STMND1: variants seen among roughly 807,000 people sequenced by gnomAD.
STMND1 encodes the protein stathmin domain containing 1, also known as stathmin domain-containing protein 1.
Under a neutral mutation model 23.0 loss-of-function variants are expected in STMND1, and 17 were observed. That is an observed-to-expected ratio of 0.74 (90% confidence interval 0.51 to 1.11). The LOEUF is 1.11. Ranked by LOEUF, STMND1 falls within the 50% of genes least tolerant of loss-of-function variation. The probability of loss-of-function intolerance (pLI) is 0.00; values close to 1 mark genes in which losing one functional copy is unlikely to be tolerated. For synonymous variants in STMND1, 114 were observed against 119.9 expected, an observed-to-expected ratio of 0.95 and a Z score of 0.32; for missense variants, 305 against 329.1, an observed-to-expected ratio of 0.93 and a Z score of 0.57.
At chr6:17,112,543 C>T (rs142797462) in intron 1 of STMND1, among the ~76,000 whole-genome samples, 14 of 152,040 alleles carry the variant, frequency 9.2e-5, no homozygotes, top group African/African-American at 2.9e-4. Flanking sequence ...TTTGAGAGGC[C>T]GAGGCGGGTG....
intron 2 of STMND1, among the ~76,000 whole-genome samples, chr6:17,118,315 A>T (rs868577805): frequency 6.6e-5 from 10 of 152,294 alleles, no homozygotes; most frequent in Admixed American, 2.6e-4. Flanking sequence ...GTTCAGTATG[A>T]TGTCAAACTT....
At chr6:17,113,438 C>T (rs1761119649) in intron 1 of STMND1, among the ~76,000 whole-genome samples, 1 of 152,180 alleles carries the variant, frequency 6.6e-6, no homozygotes, top group Non-Finnish European at 1.5e-5. Context: ...CCCAGATTAT[C>T]AAGGGTAATC....
chr6:17,105,952 A>C (rs1181892927), intron 1 of STMND1, among the ~76,000 whole-genome samples: 1 of 151,896 alleles, frequency 6.6e-6, no homozygotes, highest in Non-Finnish European at 1.5e-5. Context: ...AAAATCCTAA[A>C]TCCTTACTTA....
chr6:17,115,219 G>T, intron 2 of STMND1, 80 bp downstream of exon 2: 2 of 1,353,120 alleles, frequency 1.5e-6, no homozygotes, highest in Non-Finnish European at 2.0e-6. Context: ...TTTCTTTGGT[G>T]GTCCTTTTAT....
chr6:17,119,257 T>C (rs1025959785), intron 2 of STMND1, among the ~76,000 whole-genome samples: 3 of 152,224 alleles, frequency 2.0e-5, no homozygotes, highest in Non-Finnish European at 4.4e-5. Context: ...TTGGAGTTAC[T>C]TGCAGTGGCC....
chr6:17,128,079 A>C (rs1761333347), intron 3 of STMND1: 1 of 152,212 alleles, frequency 6.6e-6, no homozygotes, highest in African/African-American at 2.4e-5. Context: ...GAGATGATTT[A>C]TGTATCAGTT....
rs1424396251 is a variant in STMND1, at chr6:17,102,222, A to C, written c.-36A>C. 3 of 1,512,758 alleles carry C rather than the reference A, an allele frequency of 2.0e-6. No individual in the cohort carries two copies. Among genetic ancestry groups the C allele is most frequent in the African/African-American group, 2.8e-5 (2 of 70,396 alleles). The allele number at this position is 1,512,758 out of a possible 1,614,324, so 93.7% of individuals were successfully genotyped here. A position where few individuals can be genotyped will look rare whatever the true frequency, so the allele number is the denominator to read the frequency against. On this transcript the variant is annotated 5_prime_UTR_variant, in exon 1 of 5. Coordinates refer to ENST00000536551, the MANE Select transcript of STMND1 (RefSeq NM_001190766.2). ...GGGAGCGCTCGCGGGGGCGCACAGC[A>C]GCCAAGCCCGCGGAGGAGGAGCGCG...
rs1477798644 is a variant in STMND1, at chr6:17,102,171, G to T, written c.-87G>T. 1.5e-6 allele frequency: 2 copies of T among 1,334,324 alleles called. No individual in the cohort carries two copies. Among genetic ancestry groups the T allele is most frequent in the Non-Finnish European group, 1.9e-6 (2 of 1,029,166 alleles). The allele number at this position is 1,334,324 out of a possible 1,614,324, so 82.7% of individuals were successfully genotyped here. A position where few individuals can be genotyped will look rare whatever the true frequency, so the allele number is the denominator to read the frequency against. Reference sequence around the variant, plus strand: ...CGTAGGGCGCAGGGCGCAGGAGCGCGGGACCACCGGCGCCGGAGCGCGGCA... The same window carrying T: ...CGTAGGGCGCAGGGCGCAGGAGCGCTGGACCACCGGCGCCGGAGCGCGGCA... On this transcript the variant is annotated 5_prime_UTR_variant, in exon 1 of 5. Transcript: ENST00000536551.
At chr6:17,102,581 A>G (rs184259856) in intron 1 of STMND1, among the ~76,000 whole-genome samples, 41 of 152,366 alleles carry the variant, frequency 2.7e-4, no homozygotes, top group Non-Finnish European at 5.0e-4. Context: ...ATACAGATAT[A>G]TGGCTATAAG....
chr6:17,109,852 T>C (rs1761074606), intron 1 of STMND1, among the ~76,000 whole-genome samples: 1 of 152,216 alleles, frequency 6.6e-6, no homozygotes, highest in Non-Finnish European at 1.5e-5. Flanking sequence ...AAGTGATTTT[T>C]CTAGAAAACC....
intron 1 of STMND1, among the ~76,000 whole-genome samples, chr6:17,112,716 G>A (rs1412611650): frequency 6.6e-6 from 1 of 152,132 alleles, no homozygotes; most frequent in African/African-American, 2.4e-5. Flanking sequence ...GGCAGAGCTT[G>A]CAGTGAGCCG....
intron 1 of STMND1, among the ~76,000 whole-genome samples, chr6:17,113,775 C>G (rs1458458687): frequency 1.3e-5 from 2 of 151,896 alleles, no homozygotes; most frequent in Middle Eastern, 6.8e-3. Flanking sequence ...GCCTGTATTA[C>G]TTTTTTAATC....
intron 1 of STMND1, 114 bp downstream of exon 1, chr6:17,102,452 G>T (rs1760955633): frequency 7.7e-7 from 1 of 1,291,874 alleles, no homozygotes. Context: ...AGGGTCGGTC[G>T]AGGCTAGTTA....
Position 17,102,374 on chromosome 6 carries a change from A to G in STMND1, c.81+36A>G, listed in dbSNP as rs781050740. On this transcript the variant is annotated intron_variant, in intron 1 of 4. Transcript: ENST00000536551. ...AACAAACAAACAAACAAACAAACAG[A>G]CAGAAAGCCTTTTGCCTGGGAGGTC... 12 of 1,531,226 alleles carry G rather than the reference A, an allele frequency of 7.8e-6. No homozygotes were observed. The South Asian group carries it at 1.1e-4, about 14-fold the overall frequency. The allele number at this position is 1,531,226 out of a possible 1,614,324, so 94.9% of individuals were successfully genotyped here. A position where few individuals can be genotyped will look rare whatever the true frequency, so the allele number is the denominator to read the frequency against.
chr6:17,107,068 G>T (rs958191835), intron 1 of STMND1, among the ~76,000 whole-genome samples: 2 of 152,126 alleles, frequency 1.3e-5, no homozygotes, highest in African/African-American at 4.8e-5. Context: ...CAGTAAAGGG[G>T]AGTAAATTAC....
chr6:17,114,304 G>C (rs1245095852), intron 1 of STMND1, among the ~76,000 whole-genome samples: 2 of 150,920 alleles, frequency 1.3e-5, no homozygotes, highest in South Asian at 4.2e-4. Flanking sequence ...CACCCTTGTG[G>C]CACAAGCTGA....
At position 17,115,004 on chromosome 6, in the gene STMND1, C is replaced by G; in HGVS notation, c.124C>G (p.Arg42Gly). 6.5e-7 allele frequency: 1 copy of G among 1,532,316 alleles called. No homozygotes were observed. 94.9% of individuals were successfully genotyped at this position (1,532,316 alleles called of 1,614,324 possible). Reference sequence around the variant, plus strand: ...TCATACTGGGGAAAATTGCAGCCCCCGGATGGAAGCTGCTCTGACCAAGAA... The same window carrying G: ...TCATACTGGGGAAAATTGCAGCCCCGGGATGGAAGCTGCTCTGACCAAGAA... The part of the protein sequence containing the change: ...VPHTGENCSP[R>G]MEAALTKNTV... Residue 42 changes from arginine (R) to glycine (G), a missense_variant, in exon 2 of 5, where the codon CGG becomes GGG. Physicochemically the swap from Arg to Gly is moderately radical, Grantham distance 125. Coordinates refer to ENST00000536551, the MANE Select transcript of STMND1 (RefSeq NM_001190766.2).
Position 17,130,829 on chromosome 6 carries a change from G to A in STMND1, c.779G>A (p.Gly260Glu), listed in dbSNP as rs1325186982. 6.5e-7 allele frequency: 1 copy of A among 1,535,776 alleles called. No homozygotes were observed. The highest frequency in any genetic ancestry group is 8.7e-7 in the Non-Finnish European group (1 of 1,146,812). The change falls in exon 5 of 5, where the codon GGG becomes GAG. Residue 260 changes from glycine (G) to glutamate (E), a missense_variant. Physicochemically the swap from Gly to Glu is moderately conservative, Grantham distance 98. Transcript: ENST00000536551. ...AGAAACGAAAGTGATGAAAGTTTTG[G>A]GGTCGTGGAGTCAGACATGTCCTAC... is the stretch of plus-strand genomic sequence containing the variant. ...IDRNESDESF[G>E]VVESDMSYNQ...
At chr6:17,119,193 T>C (rs1013005572) in intron 2 of STMND1, among the ~76,000 whole-genome samples, 2 of 152,112 alleles carry the variant, frequency 1.3e-5, no homozygotes, top group Non-Finnish European at 2.9e-5. Flanking sequence ...TTACAAACAC[T>C]TGCAAGAGTA....
Sources: allele counts gnomAD v4.1 joint callset (sites outside exome capture counted in the v4.1 genomes callset), GRCh38; gene constraint gnomAD v4.1.1; transcripts MANE v1.5; gene names NCBI Gene and HGNC (gene_info 2026-07-23, HGNC 2026-07-21).